The following USP24 variants were observed in gnomAD, a reference collection of about 807,000 sequenced individuals.
The protein encoded by USP24 is ubiquitin carboxyl-terminal hydrolase 24.
Under a neutral mutation model 361.6 loss-of-function variants are expected in USP24, and 97 were observed. The observed-to-expected ratio is 0.27, with a 90% CI of 0.23 to 0.32. The LOEUF (loss-of-function observed/expected upper bound fraction) is 0.32. Ranked by LOEUF, USP24 falls within the 10% of genes least tolerant of loss-of-function variation. The pLI is 1.00. For missense variants in USP24, 2,353 were observed against 3,165.6 expected (o/e 0.74, Z 6.16); for synonymous variants, 1,098 against 1,124.6 (o/e 0.98, Z 0.47).
intron 12 of USP24, among the ~76,000 whole-genome samples, chr1:55,155,132 C>A (rs1647503386): frequency 6.6e-6 from 1 of 151,978 alleles, no homozygotes; most frequent in Non-Finnish European, 1.5e-5. Context: ...ACAAATGTAC[C>A]CACTTTTGAC....
At chr1:55,136,326 C>G (rs1381454171) in intron 28 of USP24, among the ~76,000 whole-genome samples, 1 of 152,104 alleles carries the variant, frequency 6.6e-6, no homozygotes, top group Non-Finnish European at 1.5e-5. Flanking sequence ...GAGAAGCTCA[C>G]AGGAGACAAC....
chr1:55,137,692 C>CA lies in USP24; in HGVS notation c.3028-5dup, dbSNP rs749575407. On this transcript the variant is annotated splice_region_variant and splice_polypyrimidine_tract_variant and intron_variant, in intron 27 of 67. Transcript: ENST00000294383. ...TTTGATCTTTATTCACTGTCAGCTG[C>CA]AAAAAGTGGTTTCTTAATTATTGAG... The CA allele has an allele frequency of 1.2e-6, 2 of 1,603,848 alleles. No individual in the cohort carries two copies. Among genetic ancestry groups the CA allele is most frequent in the African/African-American group, 2.7e-5 (2 of 74,096 alleles).
Position 55,140,469 on chromosome 1 carries a change from G to A in USP24, c.2750+1147C>T, listed in dbSNP as rs139976134. Among the ~76,000 whole-genome samples the A allele has an allele frequency of 2.9e-4, 44 of 152,272 alleles. 1 individual carries two copies. The East Asian group carries it at 6.2e-3, about 21-fold the overall frequency. ...AGTCATGTTAGTGTTCTTATCATGA[G>A]TTGAATCTATCATTACTTCTGCCAT... is the stretch of plus-strand genomic sequence containing the variant. On this transcript the variant is annotated intron_variant, in intron 24 of 67. Transcript: ENST00000294383.
chr1:55,125,363 A>C lies in USP24; in HGVS notation c.3917T>G (p.Ile1306Ser), dbSNP rs1343115286. The C allele has an allele frequency of 6.2e-7, 1 of 1,614,024 alleles. No homozygotes were observed. Among genetic ancestry groups the C allele is most frequent in the Admixed American group, 1.7e-5 (1 of 60,030 alleles). The change falls in exon 34 of 68, where the codon ATT becomes AGT. Residue 1306 changes from isoleucine to serine, a missense_variant. Physicochemically the swap from Ile to Ser is moderately radical, Grantham distance 142. Around this residue, in one of 8 missense-constraint regions of USP24, gnomAD observed 949 missense variants for 1,280.5 expected, o/e 0.74. Transcript: ENST00000294383. Reference sequence around the variant, plus strand: ...AGCAGGGATGATTTCCTCAACCCTAATAGAAGACCTATCAGACACGGACAA... The same window carrying C: ...AGCAGGGATGATTTCCTCAACCCTACTAGAAGACCTATCAGACACGGACAA... ...RQLSVSDRSS[I>S]RVEEIIPAAR...
intron 55 of USP24, among the ~76,000 whole-genome samples, chr1:55,088,393 G>A (rs1267528297): frequency 6.6e-6 from 1 of 152,182 alleles, no homozygotes; most frequent in Non-Finnish European, 1.5e-5. Context: ...GCTGGCAGAA[G>A]TGACAGAAGT....
chr1:55,187,036 CCA>C (rs1235687323), intron 1 of USP24, among the ~76,000 whole-genome samples: 1 of 151,934 alleles, frequency 6.6e-6, no homozygotes, highest in East Asian at 1.9e-4. Context: ...TAAACCAAAT[CCA>C]CACATATATT....
Position 55,081,442 on chromosome 1 carries a change from A to G in USP24, c.6976-18T>C, listed in dbSNP as rs1645146561. 6.2e-7 allele frequency: 1 copy of G among 1,611,196 alleles called. No homozygotes were observed. The highest frequency in any genetic ancestry group is 8.5e-7 in the Non-Finnish European group (1 of 1,177,548). ...CGACGTATCTGTCATCAGGGAAGAT[A>G]AAGTGGCTGTTAGTGTTGTCGTCAG... On this transcript the variant is annotated intron_variant, in intron 58 of 67. Coordinates refer to ENST00000294383, the MANE Select transcript of USP24 (RefSeq NM_015306.3).
At chr1:55,085,465 G>C (rs1557538558) in intron 56 of USP24, among the ~76,000 whole-genome samples, 1 of 152,202 alleles carries the variant, frequency 6.6e-6, no homozygotes, top group Non-Finnish European at 1.5e-5. Flanking sequence ...CAGCAATCTT[G>C]GGAAGTAACT....
intron 3 of USP24, among the ~76,000 whole-genome samples, chr1:55,174,399 G>A (rs1180853463): frequency 6.6e-6 from 1 of 152,148 alleles, no homozygotes; most frequent in Non-Finnish European, 1.5e-5. Context: ...CCTAATTGAC[G>A]GGGAGGAGAA....
intron 31 of USP24, 86 bp from the exon 32 acceptor site, chr1:55,129,660 A>C: frequency 9.6e-7 from 1 of 1,044,256 alleles, no homozygotes; most frequent in South Asian, 1.5e-5. Context: ...AGACAACTTG[A>C]GTTAGAATCT....
At chr1:55,164,165 C>A (rs1648581825) in intron 7 of USP24, among the ~76,000 whole-genome samples, 2 of 151,390 alleles carry the variant, frequency 1.3e-5, no homozygotes, top group Admixed American at 1.3e-4. Context: ...GGAAAGATGA[C>A]CATGATATTA....
At chr1:55,153,773 C>A in intron 16 of USP24, 97 bp downstream of exon 16, 3 of 1,272,272 alleles carry the variant, frequency 2.4e-6, no homozygotes, top group Non-Finnish European at 3.3e-6. Flanking sequence ...TTAAGAAACA[C>A]TAAAACATAC....
At chr1:55,137,293 T>G (rs1409059970) in intron 28 of USP24, among the ~76,000 whole-genome samples, 5 of 152,202 alleles carry the variant, frequency 3.3e-5, no homozygotes, top group Non-Finnish European at 5.9e-5. Context: ...GGAAACGAGT[T>G]CAGACAACTG....
At position 55,097,681 on chromosome 1, in the gene USP24, G is replaced by A; in HGVS notation, c.5632C>T (p.Pro1878Ser). The A allele has an allele frequency of 6.3e-7, 1 of 1,584,810 alleles. No individual in the cohort carries two copies. Among genetic ancestry groups the A allele is most frequent in the Non-Finnish European group, 8.6e-7 (1 of 1,164,476 alleles). Residue 1878 changes from proline to serine, a missense_variant, in exon 48 of 68, where the codon CCT becomes TCT. Pro to Ser is a moderately conservative substitution (Grantham distance 74). Transcript: ENST00000294383. ...TVKRTCIKSLPSVLVIHLMRF... is the reference protein window; with the variant it reads ...TVKRTCIKSLSSVLVIHLMRF... ...ATTAGGTGAATTACCAAGACGCTAG[G>A]TAAAGATTTAATACAGGTCCTTTTC...
At position 55,076,326 on chromosome 1, in the gene USP24, A is replaced by G. The variant is rs562337829; in HGVS notation, c.7381-803T>C. 1.6e-4 allele frequency among the ~76,000 whole-genome samples: 25 copies of G among 152,380 alleles called. No individual in the cohort carries two copies. The South Asian group carries it at 4.3e-3, about 26-fold the overall frequency. ...TACACAGTCCTATCCCTAAGGAGCA[A>G]TAATCTGCCAAAGTCTGTAAAAGCA... On this transcript the variant is annotated intron_variant, in intron 62 of 67. Transcript: ENST00000294383.
chr1:55,088,915 CAGG>C (rs1219511679), intron 55 of USP24, among the ~76,000 whole-genome samples: 1 of 151,618 alleles, frequency 6.6e-6, no homozygotes, highest in African/African-American at 2.4e-5. Context: ...AATATACTAC[CAGG>C]AGTTTTTTTT....
chr1:55,088,313 G>A (rs1193708572), intron 55 of USP24, among the ~76,000 whole-genome samples: 1 of 152,190 alleles, frequency 6.6e-6, no homozygotes, highest in Non-Finnish European at 1.5e-5. Context: ...ATCGCCTTGT[G>A]GGAAGAGACT....
At chr1:55,100,254 T>C (rs1036129007) in intron 44 of USP24, among the ~76,000 whole-genome samples, 1 of 152,214 alleles carries the variant, frequency 6.6e-6, no homozygotes, top group Non-Finnish European at 1.5e-5. Flanking sequence ...CCCAGCACTC[T>C]GGGAGGCCGA....
Position 55,147,676 on chromosome 1 carries a change from T to C in USP24, c.2091A>G (p.Leu697=). 1 of 1,610,476 alleles carries C rather than the reference T, an allele frequency of 6.2e-7. No homozygotes were observed. The highest frequency in any genetic ancestry group is 8.5e-7 in the Non-Finnish European group (1 of 1,178,284). ...AGPGGLSGST[L]VDGRYTYREY... is the part of the protein sequence containing the mutation. ...CCCGGTAAGTGTACCGGCCATCCAC[T>C]AGTGTCGAGCCACTTAAGCCTCCAG... Residue 697 remains leucine (L), a synonymous_variant, in exon 18 of 68, where the codon CTA becomes CTG. Transcript: ENST00000294383.
Sources: allele counts gnomAD v4.1 joint callset (sites outside exome capture counted in the v4.1 genomes callset), GRCh38; gene constraint gnomAD v4.1.1; regional missense constraint gnomAD v4.1.1; transcripts MANE v1.5; gene names NCBI Gene and HGNC (gene_info 2026-07-23, HGNC 2026-07-21).